The following CENPM variants were observed in gnomAD, a reference collection of about 807,000 sequenced individuals.
The protein encoded by CENPM is interphase centromere complex protein 39.
In CENPM, 14 loss-of-function variants were observed where a neutral mutation model predicts 19.6. The ratio of observed to expected loss-of-function variants is 0.71; its 90% CI spans 0.47 to 1.11. The LOEUF is 1.11. Among genes scored for constraint, CENPM ranks in the 50% most tolerant of loss-of-function variants. CENPM has a pLI of 0.00. For missense variants in CENPM, 239 were observed against 228.4 expected (o/e 1.05, Z -0.30); for synonymous variants, 114 against 101.5 (o/e 1.12, Z -0.74).
chr22:41,930,030 G>A, the CENPM span, among the ~76,000 whole-genome samples: 1 of 130,568 alleles, frequency 7.7e-6, no homozygotes, highest in Non-Finnish European at 1.6e-5. Context: ...TGCAAGCTCC[G>A]CCTCCCAGGT....
intron 1 of CENPM, 65 bp downstream of exon 1, chr22:41,946,955 C>G: frequency 1.3e-6 from 2 of 1,531,670 alleles, no homozygotes; most frequent in Non-Finnish European, 9.0e-7. Flanking sequence ...GCTCAGTTGA[C>G]CTAGTGGCTG....
downstream of CENPM, among the ~76,000 whole-genome samples, chr22:41,933,788 C>G: frequency 6.6e-6 from 1 of 152,184 alleles, no homozygotes; most frequent in East Asian, 1.9e-4. Context: ...GAAAACGTCC[C>G]TTTGTGCTCG....
chr22:41,939,888 A>AAGAAAGAAAGAAAG (rs2077722074), intron 5 of CENPM, among the ~76,000 whole-genome samples: 7 of 54,340 alleles, frequency 1.3e-4, no homozygotes, highest in South Asian at 9.6e-4. Context: ...AAAAGAAAGA[A>AAGAAAGAAAGAAAG]AGAAAGAAAG....
chr22:41,937,530 G>A (rs2077688879), downstream of CENPM, among the ~76,000 whole-genome samples: 4 of 152,290 alleles, frequency 2.6e-5, no homozygotes, highest in Middle Eastern at 3.4e-3. Flanking sequence ...CCTGAGCTCA[G>A]GCAATCCGCC....
the CENPM span, among the ~76,000 whole-genome samples, chr22:41,931,759 GAA>G: frequency 6.6e-6 from 1 of 152,160 alleles, no homozygotes; most frequent in African/African-American, 2.4e-5. Context: ...CGGGGTTGGG[GAA>G]AGTGAGAGCA....
chr22:41,946,352 A>G (rs2077801769), intron 2 of CENPM, 65 bp downstream of exon 2: 6 of 1,379,412 alleles, frequency 4.3e-6, no homozygotes, highest in Admixed American at 1.8e-5. Flanking sequence ...GGAGTTTAGC[A>G]GCTAGGACCG....
chr22:41,945,153 G>A, intron 4 of CENPM, 72 bp downstream of exon 4: 1 of 1,607,828 alleles, frequency 6.2e-7, no homozygotes, highest in Non-Finnish European at 8.5e-7. Flanking sequence ...GGGTGCCTCA[G>A]CAAGAAGCCT....
downstream of CENPM, among the ~76,000 whole-genome samples, chr22:41,937,252 G>T (rs1037190403): frequency 2.6e-5 from 4 of 152,222 alleles, no homozygotes; most frequent in African/African-American, 9.7e-5. Flanking sequence ...GCAAACTTCT[G>T]ACAGTGGTGT....
Position 41,939,193 on chromosome 22 carries a change from C to A in CENPM, c.406G>T (p.Glu136Ter). Residue 136 changes from glutamate to a stop codon, truncating the protein, a stop_gained, in exon 6 of 6, where the codon GAA becomes TAA. Transcript: ENST00000215980. LOFTEE classifies it high-confidence loss of function. The stretch of plus-strand genomic sequence containing the variant: ...TGCGCCATGGTGGCCCTAAAGCCTT[C>A]CACCTGCGGGGAGAGCAGAGAACAG... ...SPLLYCDLEVEGFRATMAQRL... is the reference protein window; with the variant it reads ...SPLLYCDLEV 2.5e-6 allele frequency: 4 copies of A among 1,610,174 alleles called. No individual in the cohort carries two copies. Among genetic ancestry groups the A allele is most frequent in the Non-Finnish European group, 3.4e-6 (4 of 1,178,778 alleles).
chr22:41,939,996 G>C, intron 5 of CENPM: 3 of 590,372 alleles, frequency 5.1e-6, no homozygotes, highest in East Asian at 6.3e-5. Context: ...TAAAACCCAA[G>C]TCAGGCCACA....
At chr22:41,946,744 GCCAGA>G (rs2077809573) in intron 1 of CENPM, 3 of 598,810 alleles carry the variant, frequency 5.0e-6, no homozygotes, top group Admixed American at 3.0e-5. Context: ...TCTCCAGGAG[GCCAGA>G]CCCCCAGACG....
chr22:41,930,034 C>G, the CENPM span, among the ~76,000 whole-genome samples: 3 of 149,460 alleles, frequency 2.0e-5, no homozygotes, highest in Non-Finnish European at 4.4e-5. Context: ...AGCTCCGCCT[C>G]CCAGGTTCAC....
intron 1 of CENPM, chr22:41,946,750 C>T (rs897776275): frequency 1.8e-5 from 11 of 598,694 alleles, no homozygotes; most frequent in African/African-American, 1.1e-4. Flanking sequence ...GGAGGCCAGA[C>T]CCCCAGACGC....
chr22:41,946,383 C>G, intron 2 of CENPM, 34 bp downstream of exon 2: 1 of 1,583,130 alleles, frequency 6.3e-7, no homozygotes, highest in Non-Finnish European at 8.7e-7. Flanking sequence ...GAGTGAGAGA[C>G]ACGTGGGCCC....
In CENPM at chr22:41,939,152, C is replaced by G. The variant is rs143638439; in HGVS notation, c.447G>C (p.Val149=). ...GCACGTGGCCAGCACAGATCTGCAG[C>G]ACGCGCACCAGGCGCTGCGCCATGG... ...RATMAQRLVR[V]LQICAGHVPG... is the part of the protein sequence containing the mutation. The change falls in exon 6 of 6, where the codon GTG becomes GTC. Residue 149 remains valine, a synonymous_variant. Transcript: ENST00000215980. 5.1e-5 allele frequency: 83 copies of G among 1,612,588 alleles called. No homozygotes were observed. Among genetic ancestry groups the G allele is most frequent in the Non-Finnish European group, 6.6e-5 (78 of 1,179,868 alleles).
At position 41,938,864 on chromosome 22, in the gene CENPM, G is replaced by C; in HGVS notation, c.*192C>G. On this transcript the variant is annotated 3_prime_UTR_variant, in exon 6 of 6. Transcript: ENST00000215980. ...AGTGTGGGAGTGGGAGGGGGCTACA[G>C]TCTCGCCAGCTGGGCCCCCTCGCTG... 1 of 614,148 alleles carries C rather than the reference G, an allele frequency of 1.6e-6. No homozygotes were observed. The highest frequency in any genetic ancestry group is 2.4e-5 in the South Asian group (1 of 42,084). 38.0% of individuals were successfully genotyped at this position (614,148 alleles called of 1,614,324 possible).
chr22:41,943,458 C>G (rs1269461850), intron 5 of CENPM, 152 bp downstream of exon 5: 1 of 635,408 alleles, frequency 1.6e-6, no homozygotes, highest in East Asian at 3.0e-5. Context: ...AAAAGCCACT[C>G]AAACCAGGAT....
chr22:41,942,750 C>T (rs74550006), intron 5 of CENPM, among the ~76,000 whole-genome samples: 1 of 123,864 alleles, frequency 8.1e-6, no homozygotes, highest in Non-Finnish European at 1.7e-5. Context: ...GACTCCATCT[C>T]AAAAAAAAAA....
the CENPM span, among the ~76,000 whole-genome samples, chr22:41,932,116 C>T: frequency 1.3e-5 from 2 of 152,288 alleles, no homozygotes; most frequent in South Asian, 4.1e-4. This position sits in a 1 kb window ranked among gnomAD's most constrained non-coding sequence, Gnocchi z 4.3. Context: ...ATGGGGTCAG[C>T]AGTGGAGATG....
Sources: gnomAD v4.1 joint callset for allele counts (sites outside exome capture counted in the v4.1 genomes callset) on GRCh38, gnomAD v4.1.1 for gene constraint, Gnocchi (gnomAD v3.1) non-coding constraint, MANE v1.5 for transcripts, NCBI Gene and HGNC (gene_info 2026-07-23, HGNC 2026-07-21) for gene names.